NPRL2: variants seen among roughly 807,000 people sequenced by gnomAD.
NPRL2 encodes the protein GATOR1 complex protein NPRL2.
NPRL2 carries 21 observed loss-of-function variants against 51.1 expected under a neutral mutation model. The observed-to-expected ratio is 0.41, with a 90% CI of 0.29 to 0.59. The LOEUF is 0.59. Among genes scored for constraint, NPRL2 ranks in the 20% least tolerant of loss-of-function variants. NPRL2 has a pLI of 0.29. For synonymous variants in NPRL2, 175 were observed against 187.8 expected (o/e 0.93, Z 0.56); for missense variants, 376 against 483.4 (o/e 0.78, Z 2.08).
chr3:50,348,644 G>C lies in NPRL2; in HGVS notation c.683+41C>G. ...CCCAGGGCCCCTGAGGTCTTCCCTG[G>C]CTGGTGACCTTGTCCCAGGTATGAC... On this transcript the variant is annotated intron_variant, in intron 6 of 10. Transcript: ENST00000232501. This position sits in a 1 kb window ranked among gnomAD's most constrained non-coding sequence, Gnocchi z 5.8. 1 of 1,613,828 alleles carries C rather than the reference G, an allele frequency of 6.2e-7. No homozygotes were observed. Among genetic ancestry groups the C allele is most frequent in the Non-Finnish European group, 8.5e-7 (1 of 1,179,802 alleles).
At position 50,349,309 on chromosome 3, in the gene NPRL2, C is replaced by T. The variant is rs1703667305; in HGVS notation, c.448+77G>A. On this transcript the variant is annotated intron_variant, in intron 4 of 10. Coordinates refer to ENST00000232501, the MANE Select transcript of NPRL2 (RefSeq NM_006545.5). The surrounding 1 kb of genome is among the most constrained non-coding windows in gnomAD (Gnocchi z 4.6). The stretch of plus-strand genomic sequence containing the variant: ...CCACCAATGTGTTCATGAGTCTTGC[C>T]CTTCTCCCTGACTAGCTGGGTTCAC... 7 of 1,300,270 alleles carry T rather than the reference C, an allele frequency of 5.4e-6. No individual in the cohort carries two copies. Among genetic ancestry groups the T allele is most frequent in the Non-Finnish European group, 6.6e-6 (6 of 904,124 alleles). The allele number at this position is 1,300,270 out of a possible 1,614,324, so 80.5% of individuals were successfully genotyped here. A position where few individuals can be genotyped will look rare whatever the true frequency, so the allele number is the denominator to read the frequency against.
At position 50,349,569 on chromosome 3, in the gene NPRL2, G is replaced by A; in HGVS notation, c.340-75C>T. 1 of 1,609,642 alleles carries A rather than the reference G, an allele frequency of 6.2e-7. No homozygotes were observed. The highest frequency in any genetic ancestry group is 1.1e-5 in the South Asian group (1 of 90,932). On this transcript the variant is annotated intron_variant, in intron 3 of 10. Transcript: ENST00000232501. This position sits in a 1 kb window ranked among gnomAD's most constrained non-coding sequence, Gnocchi z 4.6. Reference sequence around the variant, plus strand: ...GGTTGGCTGCCCTGAGTCCTGAGCTGGTTTGCAGGGTCCCAGGTTTGGGGG... The same window carrying A: ...GGTTGGCTGCCCTGAGTCCTGAGCTAGTTTGCAGGGTCCCAGGTTTGGGGG...
At position 50,347,564 on chromosome 3, in the gene NPRL2, G is replaced by C; in HGVS notation, c.*42C>G. The C allele has an allele frequency of 6.2e-7, 1 of 1,610,406 alleles. No individual in the cohort carries two copies. On this transcript the variant is annotated 3_prime_UTR_variant, in exon 11 of 11. Transcript: ENST00000232501. ...CAGTATGACAAGCCTCCTAGTAGGA[G>C]GGACTACCCACAGCAATGTGTCCAT...
At position 50,349,030 on chromosome 3, in the gene NPRL2, T is replaced by C; in HGVS notation, c.449-20A>G. 1 of 1,610,312 alleles carries C rather than the reference T, an allele frequency of 6.2e-7. No homozygotes were observed. Among genetic ancestry groups the C allele is most frequent in the East Asian group, 2.2e-5 (1 of 44,842 alleles). On this transcript the variant is annotated intron_variant, in intron 4 of 10. Transcript: ENST00000232501. The surrounding 1 kb of genome is among the most constrained non-coding windows in gnomAD (Gnocchi z 4.6). ...ACTCATCTGCAGGGGGCCCCATCCA[T>C]ATCCTCAGTGCCACTTCTTCCAAGA...
Position 50,349,855 on chromosome 3 carries a change from A to C in NPRL2, c.171-22T>G. 6.2e-7 allele frequency: 1 copy of C among 1,612,036 alleles called. No homozygotes were observed. Among genetic ancestry groups the C allele is most frequent in the Non-Finnish European group, 8.5e-7 (1 of 1,178,562 alleles). ...TGTGCTGGATAATTGGAACACAGTC[A>C]GGCCCCCAAGCCTGTCCCTTCCTCC... On this transcript the variant is annotated intron_variant, in intron 2 of 10. Coordinates refer to ENST00000232501, the MANE Select transcript of NPRL2 (RefSeq NM_006545.5). This position sits in a 1 kb window ranked among gnomAD's most constrained non-coding sequence, Gnocchi z 4.6.
chr3:50,348,449 G>C lies in NPRL2; in HGVS notation c.721-39C>G, dbSNP rs754305977. 9.1e-5 allele frequency: 146 copies of C among 1,612,964 alleles called. No individual in the cohort carries two copies. The highest frequency in any genetic ancestry group is 1.5e-4 in the Admixed American group (9 of 59,992). ...GAAGGCATAGGGGCCTGAGTGAGGG[G>C]CTTGGGAAGCTGACACAGCCCTGGT... On this transcript the variant is annotated intron_variant, in intron 7 of 10. Transcript: ENST00000232501. This position sits in a 1 kb window ranked among gnomAD's most constrained non-coding sequence, Gnocchi z 5.8.
Position 50,350,302 on chromosome 3 carries a change from T to C in NPRL2, c.78+273A>G. On this transcript the variant is annotated intron_variant, in intron 1 of 10. Transcript: ENST00000232501. This position sits in a 1 kb window ranked among gnomAD's most constrained non-coding sequence, Gnocchi z 5.7. ...TACTCTTCACTCAGTTCAGGGATAC[T>C]CATGGGTCACCCAACTCACCTTCTG... 1 of 600,450 alleles carries C rather than the reference T, an allele frequency of 1.7e-6. No individual in the cohort carries two copies. Among genetic ancestry groups the C allele is most frequent in the Non-Finnish European group, 3.0e-6 (1 of 338,652 alleles). The allele number at this position is 600,450 out of a possible 1,614,324, so 37.2% of individuals were successfully genotyped here.
At position 50,348,254 on chromosome 3, in the gene NPRL2, G is replaced by C; in HGVS notation, c.815-13C>G. The C allele has an allele frequency of 6.2e-7, 1 of 1,613,924 alleles. No homozygotes were observed. The highest frequency in any genetic ancestry group is 8.5e-7 in the Non-Finnish European group (1 of 1,179,974). Reference sequence around the variant, plus strand: ...GCCCTCTTGTGCCCTGTGGGTGCCAGGGATCAGCTCATCATGTGGCCCTGC... The same window carrying C: ...GCCCTCTTGTGCCCTGTGGGTGCCACGGATCAGCTCATCATGTGGCCCTGC... On this transcript the variant is annotated splice_polypyrimidine_tract_variant and intron_variant, in intron 8 of 10. Transcript: ENST00000232501. This position sits in a 1 kb window ranked among gnomAD's most constrained non-coding sequence, Gnocchi z 5.8.
At position 50,349,749 on chromosome 3, in the gene NPRL2, C is replaced by T; in HGVS notation, c.255G>A (p.Leu85=). The change falls in exon 3 of 11, where the codon CTG becomes CTA. Residue 85 remains leucine (L), a synonymous_variant. Coordinates refer to ENST00000232501, the MANE Select transcript of NPRL2 (RefSeq NM_006545.5). This position sits in a 1 kb window ranked among gnomAD's most constrained non-coding sequence, Gnocchi z 4.6. ...TGGCCTGGGCATCACACACGAAGCC[C>T]AGGTTGAAGAGGAGAGCATTGCGGC... ...KYSRNALLFN[L]GFVCDAQAKT... 6.2e-7 allele frequency: 1 copy of T among 1,613,998 alleles called. No individual in the cohort carries two copies. The highest frequency in any genetic ancestry group is 8.5e-7 in the Non-Finnish European group (1 of 1,180,024).
chr3:50,347,866 A>T lies in NPRL2; in HGVS notation c.968T>A (p.Ile323Asn). 1 of 1,614,084 alleles carries T rather than the reference A, an allele frequency of 6.2e-7. No individual in the cohort carries two copies. Among genetic ancestry groups the T allele is most frequent in the Non-Finnish European group, 8.5e-7 (1 of 1,180,036 alleles). The change falls in exon 10 of 11, where the codon ATC becomes AAC. Residue 323 changes from isoleucine (I) to asparagine (N), a missense_variant. Ile to Asn is a moderately radical substitution (Grantham distance 149). Transcript: ENST00000232501. ...CACAGGATACTTCTGTAGTCGCCTG[A>T]TGAGGTTCTTCATAAGCCCGAACTG... is the stretch of plus-strand genomic sequence containing the variant. ...LIQFGLMKNL[I>N]RRLQKYPVRV... is the part of the protein sequence containing the mutation.
At position 50,350,577 on chromosome 3, in the gene NPRL2, G is replaced by A; in HGVS notation, c.76C>T (p.Gln26Ter). The A allele has an allele frequency of 6.2e-7, 1 of 1,606,556 alleles. No homozygotes were observed. The highest frequency in any genetic ancestry group is 8.5e-7 in the Non-Finnish European group (1 of 1,176,696). The change falls in exon 1 of 11, where the codon CAG becomes TAG. Residue 26 changes from glutamine (Q) to a stop codon, truncating the protein, a stop_gained and splice_region_variant. Coordinates refer to ENST00000232501, the MANE Select transcript of NPRL2 (RefSeq NM_006545.5). LOFTEE classifies it high-confidence loss of function. This position sits in a 1 kb window ranked among gnomAD's most constrained non-coding sequence, Gnocchi z 5.7. Reference sequence around the variant, plus strand: ...AGTCCCGCGAGCCCGGGTGGCACCTGATAGGTGATCTTGGGTCCCAGCGTG... The same window carrying A: ...AGTCCCGCGAGCCCGGGTGGCACCTAATAGGTGATCTTGGGTCCCAGCGTG... ...HPTLGPKITY[Q>*]VPEDFISREL... is the part of the protein sequence containing the mutation.
Position 50,350,404 on chromosome 3 carries a change from C to G in NPRL2, c.78+171G>C. 1.4e-6 allele frequency: 1 copy of G among 691,794 alleles called. No homozygotes were observed. Among genetic ancestry groups the G allele is most frequent in the Non-Finnish European group, 2.4e-6 (1 of 415,382 alleles). The allele number at this position is 691,794 out of a possible 1,614,324, so 42.9% of individuals were successfully genotyped here. Reference sequence around the variant, plus strand: ...ACTGCCAATGTGACGTATGTCTTCCCTGCCACATTGGGAGCCGGGGGCCTG... The same window carrying G: ...ACTGCCAATGTGACGTATGTCTTCCGTGCCACATTGGGAGCCGGGGGCCTG... On this transcript the variant is annotated intron_variant, in intron 1 of 10. Transcript: ENST00000232501. The surrounding 1 kb of genome is among the most constrained non-coding windows in gnomAD (Gnocchi z 5.7).
rs775681002 is a variant in NPRL2 at position 50,347,566 on chromosome 3, G to GTC, written c.*39_*40insGA. Reference sequence around the variant, plus strand: ...GTATGACAAGCCTCCTAGTAGGAGGGACTACCCACAGCAATGTGTCCATCC... The same window carrying GTC: ...GTATGACAAGCCTCCTAGTAGGAGGGTCACTACCCACAGCAATGTGTCCATCC... On this transcript the variant is annotated 3_prime_UTR_variant, in exon 11 of 11. Transcript: ENST00000232501. 36 of 1,611,366 alleles carry GTC rather than the reference G, an allele frequency of 2.2e-5. No individual in the cohort carries two copies. Among genetic ancestry groups the GTC allele is most frequent in the Non-Finnish European group, 3.1e-5 (36 of 1,177,896 alleles).
chr3:50,349,314 T>C lies in NPRL2; in HGVS notation c.448+72A>G. On this transcript the variant is annotated intron_variant, in intron 4 of 10. Coordinates refer to ENST00000232501, the MANE Select transcript of NPRL2 (RefSeq NM_006545.5). This position sits in a 1 kb window ranked among gnomAD's most constrained non-coding sequence, Gnocchi z 4.6. ...AATGTGTTCATGAGTCTTGCCCTTCTCCCTGACTAGCTGGGTTCACTTTCC... is the reference window on the plus strand; with the variant it reads ...AATGTGTTCATGAGTCTTGCCCTTCCCCCTGACTAGCTGGGTTCACTTTCC... 1.5e-6 allele frequency: 2 copies of C among 1,347,752 alleles called. No homozygotes were observed. The highest frequency in any genetic ancestry group is 2.1e-6 in the Non-Finnish European group (2 of 944,596). The allele number at this position is 1,347,752 out of a possible 1,614,324, so 83.5% of individuals were successfully genotyped here.
In NPRL2 at chr3:50,349,207, T is replaced by TC; in HGVS notation, c.448+178dup. On this transcript the variant is annotated intron_variant, in intron 4 of 10. Transcript: ENST00000232501. This position sits in a 1 kb window ranked among gnomAD's most constrained non-coding sequence, Gnocchi z 4.6. ...GGGGCAGAGCTGGAGAGCTCTGCTTTCCCCCTACCCCCAGTCCCAGCTCCA... is the reference window on the plus strand; with the variant it reads ...GGGGCAGAGCTGGAGAGCTCTGCTTTCCCCCCTACCCCCAGTCCCAGCTCCA... The TC allele has an allele frequency of 3.6e-6, 3 of 841,992 alleles. No individual in the cohort carries two copies. In the South Asian group the frequency reaches 5.1e-5, roughly 14 times the overall value. The allele number at this position is 841,992 out of a possible 1,614,324, so 52.2% of individuals were successfully genotyped here.
rs1703611237 is a variant in NPRL2, at chr3:50,347,871, G to T, written c.963C>A (p.Asn321Lys). The T allele has an allele frequency of 3.1e-6, 5 of 1,613,980 alleles. No homozygotes were observed. The highest frequency in any genetic ancestry group is 4.2e-6 in the Non-Finnish European group (5 of 1,180,048). The change falls in exon 10 of 11, where the codon AAC becomes AAA. Residue 321 changes from asparagine to lysine, a missense_variant. Transcript: ENST00000232501. Reference protein sequence around the residue: ...RKLIQFGLMKNLIRRLQKYPV... With the variant: ...RKLIQFGLMKKLIRRLQKYPV... ...GATACTTCTGTAGTCGCCTGATGAG[G>T]TTCTTCATAAGCCCGAACTGGATCA...
chr3:50,350,674 C>T lies in NPRL2; in HGVS notation c.-22G>A, dbSNP rs1480509825. 1 of 1,587,768 alleles carries T rather than the reference C, an allele frequency of 6.3e-7. No individual in the cohort carries two copies. Among genetic ancestry groups the T allele is most frequent in the South Asian group, 1.1e-5 (1 of 87,712 alleles). ...CCATGGCAATAACCGGGCCCAGGCC[C>T]GTAGCTCCTCGTTCCTCGCGCAGAG... On this transcript the variant is annotated 5_prime_UTR_variant, in exon 1 of 11. Transcript: ENST00000232501. The surrounding 1 kb of genome is among the most constrained non-coding windows in gnomAD (Gnocchi z 5.7).
Position 50,348,108 on chromosome 3 carries a change from C to A in NPRL2, c.932+16G>T, listed in dbSNP as rs1397182891. The stretch of plus-strand genomic sequence containing the variant: ...CTCAGGTAACTCCCAAATGCCCCAG[C>A]AAATTCTCCTCTGACCGTTCATCAA... On this transcript the variant is annotated intron_variant, in intron 9 of 10. Transcript: ENST00000232501. The surrounding 1 kb of genome is among the most constrained non-coding windows in gnomAD (Gnocchi z 5.8). 3.1e-6 allele frequency: 5 copies of A among 1,613,352 alleles called. No individual in the cohort carries two copies. The East Asian group carries it at 6.7e-5, about 22-fold the overall frequency.
chr3:50,347,763 C>A lies in NPRL2; in HGVS notation c.1071G>T (p.Lys357Asn). Residue 357 changes from lysine (K) to asparagine (N), a missense_variant, in exon 10 of 11, where the codon AAG (lysine) becomes AAT (asparagine). Coordinates refer to ENST00000232501, the MANE Select transcript of NPRL2 (RefSeq NM_006545.5). Reference protein sequence around the residue: ...GCHSYDEICCKTGMSYHELDE... With the variant: ...GCHSYDEICCNTGMSYHELDE... ...TGACTGCCCGCCTGCCTCCACCTGT[C>A]TTGCAGCAGATCTCGTCATAGCTGT... 1 of 1,613,984 alleles carries A rather than the reference C, an allele frequency of 6.2e-7. No individual in the cohort carries two copies. The highest frequency in any genetic ancestry group is 1.1e-5 in the South Asian group (1 of 91,084).
Sources: gnomAD v4.1 joint callset for allele counts on GRCh38, gnomAD v4.1.1 for gene constraint, Gnocchi (gnomAD v3.1) non-coding constraint, MANE v1.5 for transcripts, NCBI Gene and HGNC (gene_info 2026-07-23, HGNC 2026-07-21) for gene names.